The following SUGCT variants were observed in gnomAD, a reference collection of about 807,000 sequenced individuals.
SUGCT encodes succinyl-CoA:glutarate CoA-transferase.
SUGCT carries 41 observed loss-of-function variants against 55.0 expected under a neutral mutation model. That is an observed-to-expected ratio of 0.74 (90% CI 0.58 to 0.97). The LOEUF (loss-of-function observed/expected upper bound fraction) is 0.97. SUGCT is among the 50% of genes least tolerant of loss of function. The pLI, the probability that SUGCT is intolerant of heterozygous loss-of-function variation, is 0.00. For synonymous variants in SUGCT, 187 were observed against 200.4 expected (o/e 0.93, Z 0.56); for missense variants, 568 against 547.8 (o/e 1.04, Z -0.37).
chr7:40,924,632 ATCCAAGGACC>A, the SUGCT span, among the ~76,000 whole-genome samples: 1 of 152,172 alleles, frequency 6.6e-6, no homozygotes, highest in Non-Finnish European at 1.5e-5. Context: ...ATCAGCATGG[ATCCAAGGACC>A]TCAGCTCTCT....
intron 12 of SUGCT, among the ~76,000 whole-genome samples, chr7:40,573,707 C>G (rs1796574727): frequency 6.6e-6 from 1 of 152,160 alleles, no homozygotes; most frequent in African/African-American, 2.4e-5. Flanking sequence ...ATGGCAGATG[C>G]CTTAATGATC....
chr7:40,807,206 A>G (rs1231583438), intron 13 of SUGCT, among the ~76,000 whole-genome samples: 1 of 152,162 alleles, frequency 6.6e-6, no homozygotes, highest in African/African-American at 2.4e-5. Context: ...TTTTTCAGAG[A>G]ACATTTATAT....
chr7:40,895,066 C>T, the SUGCT span, among the ~76,000 whole-genome samples: 1 of 152,104 alleles, frequency 6.6e-6, no homozygotes. Context: ...AACCTAGATG[C>T]CCATCAGTAG....
At chr7:40,186,465 C>T (rs1785516971) in intron 3 of SUGCT, among the ~76,000 whole-genome samples, 1 of 151,726 alleles carries the variant, frequency 6.6e-6, no homozygotes. Context: ...CACCATGTTG[C>T]CTAGGCTGTT....
At chr7:40,907,140 T>TGTGA in the SUGCT span, among the ~76,000 whole-genome samples, 12 of 29,198 alleles carry the variant, frequency 4.1e-4, no homozygotes, top group East Asian at 9.9e-4. Flanking sequence ...TGTGTGTGTG[T>TGTGA]GAGAGAGAGA....
intron 12 of SUGCT, among the ~76,000 whole-genome samples, chr7:40,712,842 A>C (rs1170505080): frequency 1.3e-5 from 2 of 152,198 alleles, no homozygotes; most frequent in Non-Finnish European, 2.9e-5. Flanking sequence ...ATTCTTTTGA[A>C]ACCTTTAGAT....
chr7:40,144,741 C>T (rs1279280125), intron 1 of SUGCT, among the ~76,000 whole-genome samples: 3 of 152,040 alleles, frequency 2.0e-5, no homozygotes, highest in Admixed American at 6.5e-5. Context: ...CTTTATAGTC[C>T]TTGGTGTCTT....
chr7:40,807,787 G>T (rs1791184174), intron 13 of SUGCT, among the ~76,000 whole-genome samples: 1 of 152,190 alleles, frequency 6.6e-6, no homozygotes, highest in Non-Finnish European at 1.5e-5. Context: ...TCCCACAATA[G>T]GTCATCTGCA....
chr7:40,324,501 C>T (rs761246767), intron 9 of SUGCT, among the ~76,000 whole-genome samples: 1 of 152,026 alleles, frequency 6.6e-6, no homozygotes, highest in African/African-American at 2.4e-5. Flanking sequence ...GGTGATCCAC[C>T]TGCCTCGGCC....
chr7:40,798,914 AATGCATT>A (rs1304240818), intron 13 of SUGCT, among the ~76,000 whole-genome samples: 3 of 152,182 alleles, frequency 2.0e-5, no homozygotes, highest in African/African-American at 7.2e-5. Flanking sequence ...TAGGTTCACA[AATGCATT>A]ATAACTTGTC....
chr7:40,722,724 A>C (rs1268896024), intron 12 of SUGCT, among the ~76,000 whole-genome samples: 1 of 152,130 alleles, frequency 6.6e-6, no homozygotes, highest in Non-Finnish European at 1.5e-5. Context: ...TTCAATACCT[A>C]TCTGTTTCTT....
chr7:40,462,480 T>G (rs755697825), intron 11 of SUGCT, among the ~76,000 whole-genome samples: 24 of 152,116 alleles, frequency 1.6e-4, no homozygotes, highest in Admixed American at 7.9e-4. Flanking sequence ...ATGGATTTGC[T>G]TATTGCAACT....
At chr7:40,563,495 C>A (rs534737821) in intron 12 of SUGCT, among the ~76,000 whole-genome samples, 51 of 150,976 alleles carry the variant, frequency 3.4e-4, no homozygotes, top group African/African-American at 1.2e-3. Flanking sequence ...TGCTTGAGCC[C>A]AGGAGTTTGA....
chr7:40,927,742 T>A, the SUGCT span, among the ~76,000 whole-genome samples: 3 of 152,220 alleles, frequency 2.0e-5, no homozygotes, highest in African/African-American at 7.2e-5. Context: ...GGAGCCTCCA[T>A]GTAACACCAC....
At chr7:40,392,351 A>T (rs1262237478) in intron 9 of SUGCT, among the ~76,000 whole-genome samples, 122 of 152,176 alleles carry the variant, frequency 8.0e-4, no homozygotes, top group Non-Finnish European at 1.5e-5. Flanking sequence ...AAAGAAATGC[A>T]CAGGCTGTCA....
the SUGCT span, among the ~76,000 whole-genome samples, chr7:40,892,786 T>C: frequency 6.6e-6 from 1 of 152,160 alleles, no homozygotes; most frequent in African/African-American, 2.4e-5. Flanking sequence ...GATCCTCTCA[T>C]CGTGACCTCA....
rs1562788729 is a variant in SUGCT at position 40,139,176 on chromosome 7, A to AATC, written c.100+4057_100+4058insTCA. 4.7e-3 allele frequency among the ~76,000 whole-genome samples: 624 copies of AATC among 133,064 alleles called. 6 individuals are homozygous for AATC. The highest frequency in any genetic ancestry group is 0.015 in the African/African-American group (549 of 36,920). 87.3% of individuals were successfully genotyped at this position (133,064 alleles called of 152,430 possible). Reference sequence around the variant, plus strand: ...TAAATAAATAAATAAATAAATAAATAAATCCAGGATTCATAATATTAATTA... The same window carrying AATC: ...TAAATAAATAAATAAATAAATAAATAATCAATCCAGGATTCATAATATTAATTA... On this transcript the variant is annotated intron_variant, in intron 1 of 13. Transcript: ENST00000335693.
intron 1 of SUGCT, among the ~76,000 whole-genome samples, chr7:40,180,067 A>G (rs1240960842): frequency 1.3e-5 from 2 of 152,216 alleles, no homozygotes; most frequent in African/African-American, 4.8e-5. Context: ...TATGCTGTCA[A>G]GAAAATAATG....
At chr7:40,292,042 C>G (rs1245567720) in intron 8 of SUGCT, among the ~76,000 whole-genome samples, 1 of 152,162 alleles carries the variant, frequency 6.6e-6, no homozygotes, top group African/African-American at 2.4e-5. Context: ...TTAGAAGCCA[C>G]TAAGTTTAGG....
Sources: gnomAD v4.1 joint callset for allele counts (sites outside exome capture counted in the v4.1 genomes callset) on GRCh38, gnomAD v4.1.1 for gene constraint, MANE v1.5 for transcripts, NCBI Gene and HGNC (gene_info 2026-07-23, HGNC 2026-07-21) for gene names.